Variants in STK32C observed in about 807,000 individuals in gnomAD.
STK32C encodes the protein serine/threonine kinase 32C.
A neutral mutation model predicts 56.5 loss-of-function variants in STK32C; 31 were observed. The observed-to-expected ratio is 0.55, with a 90% CI of 0.41 to 0.74. The LOEUF is 0.74. Ranked by LOEUF, STK32C falls within the 30% of genes least tolerant of loss-of-function variation. STK32C has a pLI of 0.00. For synonymous variants in STK32C, 309 were observed against 289.4 expected, an observed-to-expected ratio of 1.07 and a Z score of -0.69; for missense variants, 544 against 676.9, an observed-to-expected ratio of 0.80 and a Z score of 2.18.
At chr10:132,274,400 C>T (rs184091909) in intron 1 of STK32C, among the ~76,000 whole-genome samples, 3 of 152,292 alleles carry the variant, frequency 2.0e-5, no homozygotes, top group Non-Finnish European at 4.4e-5. Flanking sequence ...GGTAAGTGCA[C>T]GGTTTTATTT....
At chr10:132,324,931 T>C (rs554783135) in intron 1 of STK32C, among the ~76,000 whole-genome samples, 2 of 152,318 alleles carry the variant, frequency 1.3e-5, no homozygotes, top group South Asian at 4.1e-4. Flanking sequence ...CTCAAAGATT[T>C]TCTGATTGAC....
chr10:132,252,510 C>G (rs560658316), intron 1 of STK32C, among the ~76,000 whole-genome samples: 1 of 152,270 alleles, frequency 6.6e-6, no homozygotes, highest in Non-Finnish European at 1.5e-5. Flanking sequence ...CAAATTAAGA[C>G]GCAGGTAAAA....
intron 1 of STK32C, among the ~76,000 whole-genome samples, chr10:132,273,077 C>T (rs1179465777): frequency 6.6e-6 from 1 of 152,170 alleles, no homozygotes; most frequent in East Asian, 1.9e-4. Flanking sequence ...CTGCAATTGC[C>T]CACATCATTT....
chr10:132,236,024 G>A (rs775229062), intron 2 of STK32C, among the ~76,000 whole-genome samples: 17 of 152,286 alleles, frequency 1.1e-4, no homozygotes, highest in South Asian at 4.1e-4. Flanking sequence ...GTGTCGCGTC[G>A]GTCCCTGATG....
chr10:132,289,501 G>A (rs1373855203), intron 1 of STK32C, among the ~76,000 whole-genome samples: 3 of 152,196 alleles, frequency 2.0e-5, no homozygotes, highest in Non-Finnish European at 4.4e-5. Context: ...ACTTCACAAA[G>A]TAAGCCACAC....
intron 1 of STK32C, among the ~76,000 whole-genome samples, chr10:132,262,756 A>C (rs915057206): frequency 2.0e-5 from 3 of 150,978 alleles, no homozygotes; most frequent in African/African-American, 7.3e-5. Flanking sequence ...TCCATCTCAA[A>C]AAAAAAAAAA....
chr10:132,253,457 ACTGGAGGGAGCTGGAGGGAGTCGAGGGAG>A (rs1208166693), intron 1 of STK32C, among the ~76,000 whole-genome samples: 2 of 97,362 alleles, frequency 2.1e-5, no homozygotes, highest in Non-Finnish European at 4.1e-5. Context: ...AGTCGAGGGA[ACTGGAGGGAGCTGGAGGGAGTCGAGGGAG>A]CTGGAGGGAG....
chr10:132,252,433 T>A (rs2063941999), intron 1 of STK32C, among the ~76,000 whole-genome samples: 1 of 152,268 alleles, frequency 6.6e-6, no homozygotes, highest in Non-Finnish European at 1.5e-5. Flanking sequence ...TCTGTCACGC[T>A]CCTCGGCGTG....
intron 1 of STK32C, among the ~76,000 whole-genome samples, chr10:132,269,443 C>G (rs892674669): frequency 6.6e-6 from 1 of 152,224 alleles, no homozygotes. Flanking sequence ...AGGGCTGCCT[C>G]CCAGCCCTGC....
At chr10:132,320,026 A>G (rs897416085), downstream of STK32C, among the ~76,000 whole-genome samples, 2 of 151,860 alleles carry the variant, frequency 1.3e-5, no homozygotes, top group East Asian at 1.9e-4. Flanking sequence ...AGCTGTTTCC[A>G]GAAAAAAAAA....
exon 1 of STK32C, chr10:132,331,793 T>G: frequency 1.2e-6 from 2 of 1,604,540 alleles, no homozygotes; most frequent in Non-Finnish European, 1.7e-6. Context: ...ACCCTCGCGG[T>G]CTCTACTTGC....
chr10:132,222,798 C>T lies in STK32C; in HGVS notation c.1120-26G>A, dbSNP rs753654312. 2.6e-5 allele frequency: 42 copies of T among 1,592,598 alleles called. 1 individual carries two copies. Among genetic ancestry groups the T allele is most frequent in the South Asian group, 1.4e-4 (12 of 88,276 alleles). Reference sequence around the variant, plus strand: ...CTACAGAGGGATGGGTGCTGAGCCCCGGCCCGTGGAGGACGCCACATCCAT... The same window carrying T: ...CTACAGAGGGATGGGTGCTGAGCCCTGGCCCGTGGAGGACGCCACATCCAT... On this transcript the variant is annotated intron_variant, in intron 9 of 11. Coordinates refer to ENST00000298630, the MANE Select transcript of STK32C (RefSeq NM_173575.4).
chr10:132,296,909 G>A (rs534103457), intron 1 of STK32C, among the ~76,000 whole-genome samples: 152 of 152,384 alleles, frequency 1.0e-3, no homozygotes, highest in African/African-American at 3.5e-3. Flanking sequence ...CTGGAAAGGA[G>A]TGTCAGGGCC....
intron 1 of STK32C, among the ~76,000 whole-genome samples, chr10:132,326,694 G>A (rs975518841): frequency 2.6e-5 from 4 of 152,182 alleles, no homozygotes; most frequent in Admixed American, 2.6e-4. Context: ...CATGAGGCAC[G>A]CCCAGTTCTC....
rs151066427 is a variant in STK32C at position 132,225,343 on chromosome 10, G to A, written c.773-7C>T. ...GAGTGGAAGATCTCCGGAGCTTTCC[G>A]ACAGAAAGAAGGAAAAACAGCTGCC... On this transcript the variant is annotated splice_region_variant and splice_polypyrimidine_tract_variant and intron_variant, in intron 6 of 11. Coordinates refer to ENST00000298630, the MANE Select transcript of STK32C (RefSeq NM_173575.4). 4.8e-3 allele frequency: 7,764 copies of A among 1,604,634 alleles called. 27 individuals are homozygous for A. Among genetic ancestry groups the A allele is most frequent in the Non-Finnish European group, 5.9e-3 (6,928 of 1,176,000 alleles).
At chr10:132,249,978 G>A (rs968782103) in intron 1 of STK32C, among the ~76,000 whole-genome samples, 6 of 152,248 alleles carry the variant, frequency 3.9e-5, no homozygotes, top group African/African-American at 4.8e-5. Flanking sequence ...TCCACCAGCC[G>A]GAATCTGTCA....
chr10:132,253,504 AGCTGAGG>A (rs1565113758), intron 1 of STK32C, among the ~76,000 whole-genome samples: 1 of 69,084 alleles, frequency 1.4e-5, no homozygotes, highest in African/African-American at 8.1e-5. Flanking sequence ...GAGTCGAGGG[AGCTGAGG>A]GAGCTGAGGG....
intron 10 of STK32C, among the ~76,000 whole-genome samples, chr10:132,215,246 T>C (rs2062434079): frequency 6.6e-6 from 1 of 152,162 alleles, no homozygotes; most frequent in African/African-American, 2.4e-5. Context: ...ACTCCTGGAC[T>C]CAAGCAATCC....
chr10:132,261,420 C>T (rs1279896393), intron 1 of STK32C, among the ~76,000 whole-genome samples: 3 of 152,142 alleles, frequency 2.0e-5, no homozygotes, highest in African/African-American at 7.2e-5. Flanking sequence ...AGGAATACAC[C>T]TAACCAAGGA....
Sources: allele counts gnomAD v4.1 joint callset (sites outside exome capture counted in the v4.1 genomes callset), GRCh38; gene constraint gnomAD v4.1.1; transcripts MANE v1.5; gene names NCBI Gene and HGNC (gene_info 2026-07-23, HGNC 2026-07-21).